DYNLRB2: variants seen among roughly 807,000 people sequenced by gnomAD.
The protein encoded by DYNLRB2 is dynein light chain roadblock-type 2, also known as bithoraxoid-like protein.
A neutral mutation model predicts 12.6 loss-of-function variants in DYNLRB2; 14 were observed. The ratio of observed to expected loss-of-function variants is 1.11; its 90% CI spans 0.73 to 1.73. The LOEUF is 1.73. Among genes scored for constraint, DYNLRB2 ranks in the 40% most tolerant of loss-of-function variants. DYNLRB2 has a pLI of 0.00. For synonymous variants in DYNLRB2, 53 were observed against 37.0 expected (o/e 1.43, Z -1.57); for missense variants, 142 against 117.7 (o/e 1.21, Z -0.95).
intron 2 of DYNLRB2, chr16:80,547,720 TG>T (rs1453442921): frequency 6.6e-6 from 3 of 455,102 alleles, no homozygotes; most frequent in African/African-American, 6.0e-5. Context: ...CATCAAAGGT[TG>T]CATGCTTGCT....
At chr16:80,549,791 T>C in intron 3 of DYNLRB2, 140 bp downstream of exon 3, 1 of 994,182 alleles carries the variant, frequency 1.0e-6, no homozygotes, top group Non-Finnish European at 1.3e-6. Context: ...GATGTTTGAA[T>C]GTAAAAATCC....
intron 1 of DYNLRB2, among the ~76,000 whole-genome samples, chr16:80,541,568 G>GC (rs34349297): frequency 9.1e-6 from 1 of 109,598 alleles, no homozygotes; most frequent in Non-Finnish European, 1.9e-5. Flanking sequence ...TGGGAGACCC[G>GC]CCCCCCTCCC....
chr16:80,547,754 A>T (rs1459046994), intron 2 of DYNLRB2: 2 of 455,672 alleles, frequency 4.4e-6, no homozygotes, highest in South Asian at 1.6e-5. Context: ...TCTGCTTGTT[A>T]AAGATCCACG....
At chr16:80,547,857 A>G (rs1202149907) in intron 2 of DYNLRB2, 5 of 456,460 alleles carry the variant, frequency 1.1e-5, no homozygotes, top group Non-Finnish European at 2.2e-5. Context: ...GGTTTTTATT[A>G]TGCTTTATTT....
intron 2 of DYNLRB2, among the ~76,000 whole-genome samples, chr16:80,548,685 G>A (rs1167537061): frequency 6.8e-6 from 1 of 147,328 alleles, no homozygotes; most frequent in Non-Finnish European, 1.5e-5. Flanking sequence ...TCATGCCGTC[G>A]CACTCCAGCC....
chr16:80,541,491 A>G (rs1028267712), intron 1 of DYNLRB2: 5 of 676,492 alleles, frequency 7.4e-6, no homozygotes, highest in African/African-American at 1.9e-5. Flanking sequence ...AAGCAAGGGA[A>G]TGGAAGGGTG....
chr16:80,547,804 C>T, intron 2 of DYNLRB2: 1 of 456,514 alleles, frequency 2.2e-6, no homozygotes, highest in South Asian at 1.5e-5. Flanking sequence ...TGACTGCCTT[C>T]CAGAGAAAAA....
At chr16:80,542,505 G>C (rs768702962) in intron 1 of DYNLRB2, among the ~76,000 whole-genome samples, 13 of 152,212 alleles carry the variant, frequency 8.5e-5, no homozygotes, top group Non-Finnish European at 1.8e-4. Flanking sequence ...CTCATCAAGA[G>C]AATTTGCAGA....
At chr16:80,546,221 A>G (rs1904458868) in intron 2 of DYNLRB2, among the ~76,000 whole-genome samples, 1 of 152,240 alleles carries the variant, frequency 6.6e-6, no homozygotes, top group Non-Finnish European at 1.5e-5. Flanking sequence ...CTCAATTTCA[A>G]CAACCTCCTC....
intron 2 of DYNLRB2, chr16:80,548,993 C>T (rs1379570956): frequency 2.2e-6 from 1 of 455,968 alleles, no homozygotes; most frequent in Admixed American, 2.3e-5. Context: ...AGCAGACTCA[C>T]TATAGACAAG....
At chr16:80,543,221 G>A in intron 1 of DYNLRB2, 55 bp from the exon 2 acceptor site, 1 of 1,552,816 alleles carries the variant, frequency 6.4e-7, no homozygotes, top group Non-Finnish European at 8.9e-7. Flanking sequence ...ATTCTCCTTA[G>A]GGTTGAAGTT....
chr16:80,548,489 G>T (rs111571218), intron 2 of DYNLRB2, among the ~76,000 whole-genome samples: 178 of 152,286 alleles, frequency 1.2e-3, no homozygotes, highest in African/African-American at 3.9e-3. Context: ...CACTGTGGGA[G>T]GCATGAGGCG....
upstream of DYNLRB2, chr16:80,540,925 G>A (rs1909283566): frequency 2.8e-6 from 4 of 1,424,926 alleles, no homozygotes; most frequent in Admixed American, 2.0e-5. Flanking sequence ...GCGCGGTCAG[G>A]GCGAAAAAGC....
intron 2 of DYNLRB2, among the ~76,000 whole-genome samples, chr16:80,545,849 GT>G (rs60244641): frequency 0.92 from 128,012 of 139,464 alleles, 58,955 homozygotes; most frequent in Non-Finnish European, 0.97. Flanking sequence ...CTAATTTTTT[GT>G]TTTTTTTTTT....
intron 1 of DYNLRB2, among the ~76,000 whole-genome samples, chr16:80,542,275 G>C (rs1904294930): frequency 6.6e-6 from 1 of 152,164 alleles, no homozygotes; most frequent in South Asian, 2.1e-4. Flanking sequence ...TTAGCAGTGA[G>C]ATAATTTAAA....
At chr16:80,549,061 G>T (rs749678521) in intron 2 of DYNLRB2, 7 of 452,608 alleles carry the variant, frequency 1.5e-5, no homozygotes, top group Non-Finnish European at 3.1e-5. Context: ...CAAGTAGTCA[G>T]TTAATGGCTT....
upstream of DYNLRB2, chr16:80,540,789 C>A: frequency 1.4e-6 from 1 of 704,308 alleles, no homozygotes; most frequent in Non-Finnish European, 2.6e-6. Context: ...AAACACAGGC[C>A]GGGAGCCTGA....
intron 2 of DYNLRB2, chr16:80,549,262 G>T: frequency 4.3e-6 from 2 of 464,504 alleles, no homozygotes; most frequent in East Asian, 3.5e-5. Context: ...GAAGAAAAAA[G>T]CAACAGTCAA....
chr16:80,541,044 C>G lies in DYNLRB2; in HGVS notation c.-33C>G. ...GTTGACATCCCGGGAGGCTGTGCCGCCGGCCTGAGCCCAGAGTTTCGCGGC... is the reference window on the plus strand; with the variant it reads ...GTTGACATCCCGGGAGGCTGTGCCGGCGGCCTGAGCCCAGAGTTTCGCGGC... On this transcript the variant is annotated 5_prime_UTR_variant, in exon 1 of 4. Coordinates refer to ENST00000305904, the MANE Select transcript of DYNLRB2 (RefSeq NM_130897.3). 1 of 1,605,554 alleles carries G rather than the reference C, an allele frequency of 6.2e-7. No homozygotes were observed. Among genetic ancestry groups the G allele is most frequent in the Non-Finnish European group, 8.5e-7 (1 of 1,175,060 alleles).
Sources: allele counts gnomAD v4.1 joint callset (sites outside exome capture counted in the v4.1 genomes callset), GRCh38; gene constraint gnomAD v4.1.1; transcripts MANE v1.5; gene names NCBI Gene and HGNC (gene_info 2026-07-23, HGNC 2026-07-21).